The following ZNF613 variants were observed in gnomAD, a reference collection of about 807,000 sequenced individuals.
ZNF613 encodes the protein zinc finger protein 613.
A neutral mutation model predicts 14.3 loss-of-function variants in ZNF613; 8 were observed. The observed-to-expected ratio is 0.56, with a 90% CI of 0.33 to 1.01. ZNF613 has a LOEUF of 1.01. ZNF613 is among the 50% of genes least tolerant of loss of function. The pLI, the probability that ZNF613 is intolerant of heterozygous loss-of-function variation, is 0.03. For synonymous variants in ZNF613, 228 were observed against 254.5 expected (o/e 0.90, Z 0.99); for missense variants, 656 against 741.9 (o/e 0.88, Z 1.35).
At chr19:51,928,913 A>T (rs1301637554) in intron 1 of ZNF613, among the ~76,000 whole-genome samples, 4 of 152,064 alleles carry the variant, frequency 2.6e-5, no homozygotes, top group Non-Finnish European at 5.9e-5. Flanking sequence ...AAAACGAAGA[A>T]AATGATAAGG....
At chr19:51,940,038 G>C (rs2085334616) in intron 3 of ZNF613, among the ~76,000 whole-genome samples, 171 bp from the exon 4 acceptor site, 1 of 152,072 alleles carries the variant, frequency 6.6e-6, no homozygotes, top group African/African-American at 2.4e-5. Context: ...AATATAGATA[G>C]ATTTTGGAGA....
intron 1 of ZNF613, among the ~76,000 whole-genome samples, chr19:51,928,344 A>G (rs999678592): frequency 4.6e-5 from 7 of 152,204 alleles, no homozygotes; most frequent in African/African-American, 1.7e-4. Flanking sequence ...AGGGAGGTCT[A>G]GATGTGACAG....
chr19:51,938,725 G>GATATATATATATATATATATATATAT (rs113608259), intron 3 of ZNF613, among the ~76,000 whole-genome samples: 1 of 118,898 alleles, frequency 8.4e-6, no homozygotes, highest in African/African-American at 4.0e-5. Context: ...AATGTACATG[G>GATATATATATATATATATATATATAT]ATATATATAT....
intron 3 of ZNF613, 97 bp downstream of exon 3, chr19:51,936,332 T>C: frequency 7.8e-7 from 1 of 1,283,548 alleles, no homozygotes; most frequent in Non-Finnish European, 1.1e-6. Context: ...TATAATTTGG[T>C]AAACTAGGAT....
chr19:51,932,549 G>A (rs1237487035), intron 2 of ZNF613, among the ~76,000 whole-genome samples: 4 of 151,914 alleles, frequency 2.6e-5, no homozygotes, highest in Non-Finnish European at 5.9e-5. Context: ...TGCCCGCCTC[G>A]GCCTCCCAAA....
chr19:51,942,997 A>G (rs2085363236), intron 5 of ZNF613, among the ~76,000 whole-genome samples: 1 of 152,206 alleles, frequency 6.6e-6, no homozygotes, highest in Non-Finnish European at 1.5e-5. Flanking sequence ...GCATCCGGCC[A>G]TGACTTGATT....
At chr19:51,931,034 T>C (rs543661370) in intron 2 of ZNF613, among the ~76,000 whole-genome samples, 1 of 152,244 alleles carries the variant, frequency 6.6e-6, no homozygotes, top group Non-Finnish European at 1.5e-5. Flanking sequence ...ATTTTTCATG[T>C]ACTTATGATA....
chr19:51,944,384 C>G lies in ZNF613; in HGVS notation c.501C>G (p.Ala167=). ...GAGATGGGAAATCCTTCCTTCATGC[C>G]AAGCATGAACAATTTCATAATGAAA... ...VNGDGKSFLH[A]KHEQFHNEMN... Residue 167 remains alanine, a synonymous_variant, in exon 6 of 6, where the codon GCC becomes GCG. Coordinates refer to ENST00000293471, the MANE Select transcript of ZNF613 (RefSeq NM_001031721.4). The G allele has an allele frequency of 6.2e-7, 1 of 1,603,644 alleles. No homozygotes were observed. Among genetic ancestry groups the G allele is most frequent in the Non-Finnish European group, 8.5e-7 (1 of 1,171,942 alleles).
At chr19:51,932,254 G>A (rs1046937911) in intron 2 of ZNF613, among the ~76,000 whole-genome samples, 4 of 151,536 alleles carry the variant, frequency 2.6e-5, no homozygotes, top group Non-Finnish European at 4.4e-5. Context: ...CTCTCCAGTG[G>A]AATGCTGAGT....
intron 2 of ZNF613, 64 bp from the exon 3 acceptor site, chr19:51,935,964 C>T (rs1049482654): frequency 9.9e-6 from 4 of 403,198 alleles, no homozygotes; most frequent in African/African-American, 4.1e-5. Context: ...AAGGTGAGAA[C>T]ACAGCAGCAG....
chr19:51,942,291 A>G (rs2085355928), intron 5 of ZNF613, among the ~76,000 whole-genome samples: 1 of 152,220 alleles, frequency 6.6e-6, no homozygotes, highest in African/African-American at 2.4e-5. Context: ...AACATCAATA[A>G]CAACAACAAA....
At chr19:51,928,045 A>AATCT (rs201074630) in intron 1 of ZNF613, 20,882 of 117,120 alleles carry the variant, frequency 0.18, 2,509 homozygotes, top group South Asian at 0.37. Flanking sequence ...TAATCTGTCT[A>AATCT]ATCTAATCTA....
intron 2 of ZNF613, among the ~76,000 whole-genome samples, chr19:51,930,221 A>G (rs2085253383): frequency 6.6e-6 from 1 of 151,754 alleles, no homozygotes. Flanking sequence ...AAACGCTACA[A>G]TATAATATGT....
rs187106625 is a variant in ZNF613 at position 51,944,943 on chromosome 19, C to T, written c.1060C>T (p.Arg354Cys). 122 of 1,613,290 alleles carry T rather than the reference C, an allele frequency of 7.6e-5. No individual in the cohort carries two copies. The highest frequency in any genetic ancestry group is 8.6e-5 in the Non-Finnish European group (102 of 1,179,786). Reference protein sequence around the residue: ...YECTECDKAFRWKSQLNAHQK... With the variant: ...YECTECDKAFCWKSQLNAHQK... ...ATGCACTGAATGTGACAAAGCATTC[C>T]GCTGGAAATCACAGCTCAATGCACA... The change falls in exon 6 of 6, where the codon CGC becomes TGC. Residue 354 changes from arginine (R) to cysteine (C), a missense_variant. Physicochemically the swap from Arg to Cys is radical, Grantham distance 180. Transcript: ENST00000293471.
At chr19:51,937,466 A>G (rs1430828688) in intron 3 of ZNF613, among the ~76,000 whole-genome samples, 1 of 152,186 alleles carries the variant, frequency 6.6e-6, no homozygotes, top group East Asian at 1.9e-4. Flanking sequence ...AAAACAGCAC[A>G]ATGGAATTCA....
Position 51,937,791 on chromosome 19 carries a change from G to A in ZNF613, c.15+1556G>A, listed in dbSNP as rs117622494. Among the ~76,000 whole-genome samples the A allele has an allele frequency of 5.5e-3, 769 of 140,066 alleles. 2 individuals carry two copies. The highest frequency in any genetic ancestry group is 8.8e-3 in the Non-Finnish European group (587 of 66,498). The allele number at this position is 140,066 out of a possible 152,430, so 91.9% of individuals were successfully genotyped here. On this transcript the variant is annotated intron_variant, in intron 3 of 5. Coordinates refer to ENST00000293471, the MANE Select transcript of ZNF613 (RefSeq NM_001031721.4). ...GTCATCCAGATTGGAGTGCAGTAGTGCCATCTTGGCCTACCACAACCTCTG... is the reference window on the plus strand; with the variant it reads ...GTCATCCAGATTGGAGTGCAGTAGTACCATCTTGGCCTACCACAACCTCTG...
intron 2 of ZNF613, among the ~76,000 whole-genome samples, chr19:51,932,119 C>T (rs2085270501): frequency 6.6e-6 from 1 of 152,052 alleles, no homozygotes; most frequent in East Asian, 1.9e-4. Context: ...CTAGATGTCC[C>T]CATAGATAGC....
At position 51,945,473 on chromosome 19, in the gene ZNF613, T is replaced by A; in HGVS notation, c.1590T>A (p.His530Gln). The part of the protein sequence containing the change: ...AFSHLSCLVY[H>Q]KGMLHAREKC... The stretch of plus-strand genomic sequence containing the variant: ...CCCACTTGTCATGCCTTGTTTATCA[T>A]AAGGGAATGCTGCATGCAAGAGAGA... Residue 530 changes from histidine to glutamine, a missense_variant, in exon 6 of 6, where the codon CAT becomes CAA. His to Gln is a conservative substitution (Grantham distance 24). Coordinates refer to ENST00000293471, the MANE Select transcript of ZNF613 (RefSeq NM_001031721.4). 1 of 1,614,220 alleles carries A rather than the reference T, an allele frequency of 6.2e-7. No homozygotes were observed. Among genetic ancestry groups the A allele is most frequent in the South Asian group, 1.1e-5 (1 of 91,086 alleles).
chr19:51,938,410 T>C (rs2085320912), intron 3 of ZNF613, among the ~76,000 whole-genome samples: 1 of 152,102 alleles, frequency 6.6e-6, no homozygotes, highest in African/African-American at 2.4e-5. Context: ...TAGCTAGGCA[T>C]GTGCCACCAC....
Sources: allele counts gnomAD v4.1 joint callset (sites outside exome capture counted in the v4.1 genomes callset), GRCh38; gene constraint gnomAD v4.1.1; transcripts MANE v1.5; gene names NCBI Gene and HGNC (gene_info 2026-07-23, HGNC 2026-07-21).